NECTIN2: variants seen among roughly 807,000 people sequenced by gnomAD.
NECTIN2 encodes the protein nectin cell adhesion molecule 2.
A neutral mutation model predicts 56.9 loss-of-function variants in NECTIN2; 23 were observed. That is an observed-to-expected ratio of 0.40 (90% CI 0.29 to 0.57). The LOEUF (loss-of-function observed/expected upper bound fraction) is 0.57, where lower values mean the gene tolerates loss of function less well. Among genes scored for constraint, NECTIN2 ranks in the 20% least tolerant of loss-of-function variants. The pLI is 0.38. For missense variants in NECTIN2, 587 were observed against 718.3 expected (o/e 0.82, Z 2.09); for synonymous variants, 302 against 313.8 (o/e 0.96, Z 0.40).
At chr19:44,850,298 GCC>G (rs1485359614) in intron 1 of NECTIN2, among the ~76,000 whole-genome samples, 3 of 152,008 alleles carry the variant, frequency 2.0e-5, no homozygotes, top group Non-Finnish European at 4.4e-5. Context: ...GATAGAAGAG[GCC>G]CCGGAAGACA....
At chr19:44,872,288 T>A in intron 3 of NECTIN2, 139 bp downstream of exon 3, 1 of 872,650 alleles carries the variant, frequency 1.1e-6, no homozygotes, top group Non-Finnish European at 1.7e-6. Context: ...TGCCATTGTC[T>A]ACACTGGCTC....
At chr19:44,854,109 T>C (rs569210658) in intron 1 of NECTIN2, among the ~76,000 whole-genome samples, 21 of 151,630 alleles carry the variant, frequency 1.4e-4, no homozygotes, top group Non-Finnish European at 2.9e-4. Context: ...AAGCTAAAAG[T>C]GGTGGGTTTG....
intron 1 of NECTIN2, among the ~76,000 whole-genome samples, chr19:44,863,846 A>AAC (rs1337198682): frequency 1.3e-5 from 2 of 151,754 alleles, no homozygotes; most frequent in African/African-American, 2.4e-5. Flanking sequence ...AGTCTCAAAA[A>AAC]AAAAAAAGAA....
chr19:44,867,566 A>T (rs949487774), intron 2 of NECTIN2, among the ~76,000 whole-genome samples: 5 of 152,176 alleles, frequency 3.3e-5, no homozygotes, highest in African/African-American at 1.2e-4. Context: ...TTGAGATAGG[A>T]TGTGCAGGGA....
At chr19:44,882,430 G>C in intron 6 of NECTIN2, 66 bp downstream of exon 6, 1 of 1,278,426 alleles carries the variant, frequency 7.8e-7, no homozygotes, top group South Asian at 2.6e-5. Flanking sequence ...TGGGGTAGGG[G>C]TGAGGGTGGG....
At chr19:44,872,273 C>A in intron 3 of NECTIN2, 124 bp downstream of exon 3, 7 of 998,300 alleles carry the variant, frequency 7.0e-6, no homozygotes, top group Non-Finnish European at 1.0e-5. Flanking sequence ...TCTGCACTAC[C>A]TTCCTGCCAT....
At chr19:44,876,655 C>A (rs1969241778) in intron 5 of NECTIN2, among the ~76,000 whole-genome samples, 1 of 152,176 alleles carries the variant, frequency 6.6e-6, no homozygotes, top group Non-Finnish European at 1.5e-5. Context: ...ACAGAGTCGT[C>A]ACAGAGACAC....
chr19:44,871,890 G>C lies in NECTIN2; in HGVS notation c.516G>C (p.Thr172=), dbSNP rs145915904. ...ACCAAGCTGAGGCCCAGAAGGTCAC[G>C]TTCAGCCAGGACCCTACGACAGTGG... The part of the protein sequence containing the change: ...PKNQAEAQKV[T]FSQDPTTVAL... Residue 172 remains threonine (T), a synonymous_variant, in exon 3 of 9, where the codon ACG becomes ACC. Transcript: ENST00000252483. 1.2e-6 allele frequency: 2 copies of C among 1,614,040 alleles called. No homozygotes were observed. The highest frequency in any genetic ancestry group is 3.3e-5 in the Admixed American group (2 of 60,010).
rs1969312875 is a variant in NECTIN2 at position 44,881,984 on chromosome 19, A to C, written c.1043-227A>C. On this transcript the variant is annotated intron_variant, in intron 5 of 8. Coordinates refer to ENST00000252483, the MANE Select transcript of NECTIN2 (RefSeq NM_001042724.2). ...CCTGCCCAACCAGAATCAAAGTTCC[A>C]TGAAGGTAGACACTTTGTATGTTTT... 7.9e-6 allele frequency: 3 copies of C among 380,866 alleles called. No individual in the cohort carries two copies. In the East Asian group the frequency reaches 1.2e-4, roughly 15 times the overall value. 23.6% of individuals were successfully genotyped at this position (380,866 alleles called of 1,614,324 possible). A position where few individuals can be genotyped will look rare whatever the true frequency, so the allele number is the denominator to read the frequency against.
chr19:44,848,149 A>C (rs1968858860), intron 1 of NECTIN2, among the ~76,000 whole-genome samples: 1 of 152,042 alleles, frequency 6.6e-6, no homozygotes, highest in Non-Finnish European at 1.5e-5. Context: ...TTTGACCCAG[A>C]GCTGGGAACT....
chr19:44,881,750 C>G (rs1011023191), intron 5 of NECTIN2, among the ~76,000 whole-genome samples: 12 of 152,282 alleles, frequency 7.9e-5, no homozygotes, highest in African/African-American at 2.9e-4. Flanking sequence ...GCCTGCGATA[C>G]CCCCAGACAC....
rs1033667835 is a variant in NECTIN2 at position 44,865,012 on chromosome 19, G to C, written c.89-259G>C. 6.6e-6 allele frequency among the ~76,000 whole-genome samples: 1 copy of C among 152,064 alleles called. No individual in the cohort carries two copies. The highest frequency in any genetic ancestry group is 1.5e-5 in the Non-Finnish European group (1 of 68,018). On this transcript the variant is annotated intron_variant, in intron 1 of 8. Coordinates refer to ENST00000252483, the MANE Select transcript of NECTIN2 (RefSeq NM_001042724.2). This position sits in a 1 kb window ranked among gnomAD's most constrained non-coding sequence, Gnocchi z 5.2. Reference sequence around the variant, plus strand: ...AGCCACAATTTAATTATCACACCTCGGAACATGAACAGCAATTCCAAAATC... The same window carrying C: ...AGCCACAATTTAATTATCACACCTCCGAACATGAACAGCAATTCCAAAATC...
chr19:44,883,318 T>A lies in NECTIN2; in HGVS notation c.1196+954T>A, dbSNP rs576763760. Among the ~76,000 whole-genome samples, 15 of 151,930 alleles carry A rather than the reference T, an allele frequency of 9.9e-5. No homozygotes were observed. In the South Asian group the frequency reaches 1.0e-3, roughly 11 times the overall value. ...AAGATGGAGTCTTGGTCTGTCGCCC[T>A]GGCTGGAGTGCCAAGGCGCCATCTC... On this transcript the variant is annotated intron_variant, in intron 6 of 8. Coordinates refer to ENST00000252483, the MANE Select transcript of NECTIN2 (RefSeq NM_001042724.2).
In NECTIN2 at chr19:44,865,705, G is replaced by A; in HGVS notation, c.478+45G>A. ...GAGGCAAGGAGGTGGGAGGGCCGCG[G>A]TGTGGGAGCATCCCCTTGCGGGTCA... On this transcript the variant is annotated intron_variant, in intron 2 of 8. Transcript: ENST00000252483. This position sits in a 1 kb window ranked among gnomAD's most constrained non-coding sequence, Gnocchi z 5.2. 6.8e-7 allele frequency: 1 copy of A among 1,464,716 alleles called. No homozygotes were observed. The highest frequency in any genetic ancestry group is 1.4e-5 in the South Asian group (1 of 72,888). 90.7% of individuals were successfully genotyped at this position (1,464,716 alleles called of 1,614,324 possible).
At position 44,846,308 on chromosome 19, in the gene NECTIN2, G is replaced by A. The variant is rs1014299000; in HGVS notation, c.-218G>A. The A allele has an allele frequency of 3.8e-5, 18 of 478,058 alleles. No homozygotes were observed. Among genetic ancestry groups the A allele is most frequent in the African/African-American group, 2.1e-5 (1 of 48,712 alleles). The allele number at this position is 478,058 out of a possible 1,614,324, so 29.6% of individuals were successfully genotyped here. A position where few individuals can be genotyped will look rare whatever the true frequency, so the allele number is the denominator to read the frequency against. ...AGCGGGTGGATCCTGTGACGTCAGC[G>A]GGTTCGAACCGCCGGAGCTGAGCGA... On this transcript the variant is annotated 5_prime_UTR_variant, in exon 1 of 9. Coordinates refer to ENST00000252483, the MANE Select transcript of NECTIN2 (RefSeq NM_001042724.2).
In NECTIN2 at chr19:44,888,205, T is replaced by A; in HGVS notation, c.1443T>A (p.Pro481=). ...GCCTGGGGTCCCCCATCCCGGTGCC[T>A]CCAGGGCCACCTGCTGTGGAAGACG... ...ATSLGSPIPV[P]PGPPAVEDVS... The change falls in exon 9 of 9, where the codon CCT becomes CCA. Residue 481 remains proline, a synonymous_variant. Coordinates refer to ENST00000252483, the MANE Select transcript of NECTIN2 (RefSeq NM_001042724.2). 6.2e-7 allele frequency: 1 copy of A among 1,614,094 alleles called. No individual in the cohort carries two copies. Among genetic ancestry groups the A allele is most frequent in the African/African-American group, 1.3e-5 (1 of 75,000 alleles).
chr19:44,870,580 G>A lies in NECTIN2; in HGVS notation c.479-1273G>A, dbSNP rs541826537. Among the ~76,000 whole-genome samples, 10 of 152,198 alleles carry A rather than the reference G, an allele frequency of 6.6e-5. No homozygotes were observed. In the East Asian group the frequency reaches 7.7e-4, roughly 12 times the overall value. ...TGGAAAGGGTATAAAAAAAAGAAAC[G>A]GCTTTGAGATTTTCTGCCTTTATCA... On this transcript the variant is annotated intron_variant, in intron 2 of 8. Coordinates refer to ENST00000252483, the MANE Select transcript of NECTIN2 (RefSeq NM_001042724.2).
intron 6 of NECTIN2, among the ~76,000 whole-genome samples, chr19:44,885,374 T>G (rs902709325): frequency 2.1e-5 from 3 of 145,416 alleles, no homozygotes; most frequent in Admixed American, 7.2e-5. Context: ...TGGAGTGGAG[T>G]GATCTCATCT....
Position 44,863,110 on chromosome 19 carries a change from C to T in NECTIN2, c.89-2161C>T, listed in dbSNP as rs534177867. ...TTGGGAGGTGGAGGTTGCAGTGAGC[C>T]GAGATCACACCACTGCACTCCGGCC... is the stretch of plus-strand genomic sequence containing the variant. On this transcript the variant is annotated intron_variant, in intron 1 of 8. Coordinates refer to ENST00000252483, the MANE Select transcript of NECTIN2 (RefSeq NM_001042724.2). 5.9e-5 allele frequency among the ~76,000 whole-genome samples: 9 copies of T among 151,426 alleles called. No homozygotes were observed. The South Asian group carries it at 1.3e-3, about 21-fold the overall frequency.
Sources: allele counts gnomAD v4.1 joint callset (sites outside exome capture counted in the v4.1 genomes callset), GRCh38; gene constraint gnomAD v4.1.1; non-coding constraint Gnocchi (gnomAD v3.1); transcripts MANE v1.5; gene names NCBI Gene and HGNC (gene_info 2026-07-23, HGNC 2026-07-21).